SLC60A1: variants seen among roughly 807,000 people sequenced by gnomAD.
SLC60A1 encodes solute carrier family 60 member 1, also known as major facilitator superfamily domain containing 4.
the SLC60A1 span, among the ~76,000 whole-genome samples, chr1:205,584,623 T>C: frequency 1.3e-5 from 2 of 151,448 alleles, no homozygotes; most frequent in South Asian, 4.2e-4. Flanking sequence ...GGCAGACTTC[T>C]GACTTCACCC....
At chr1:205,582,958 T>G in the SLC60A1 span, among the ~76,000 whole-genome samples, 1 of 152,242 alleles carries the variant, frequency 6.6e-6, no homozygotes, top group South Asian at 2.1e-4. Flanking sequence ...GCCTTCCATC[T>G]CTATCCTATG....
At chr1:205,602,537 T>C in the SLC60A1 span, 11 of 152,680 alleles carry the variant, frequency 7.2e-5, no homozygotes, top group African/African-American at 2.4e-4. Flanking sequence ...GCTTAATAAA[T>C]GTTAGTAATT....
At chr1:205,587,573 G>A in the SLC60A1 span, among the ~76,000 whole-genome samples, 1 of 152,198 alleles carries the variant, frequency 6.6e-6, no homozygotes, top group African/African-American at 2.4e-5. Context: ...AGGGAGTTGT[G>A]TTCTGCAGGA....
chr1:205,600,115 C>T, the SLC60A1 span: 2 of 315,872 alleles, frequency 6.3e-6, no homozygotes, highest in South Asian at 5.2e-5. Flanking sequence ...ACAGGAGTTT[C>T]ATTTAAGACC....
chr1:205,602,178 A>G, the SLC60A1 span: 1 of 152,410 alleles, frequency 6.6e-6, no homozygotes, highest in Non-Finnish European at 1.5e-5. Flanking sequence ...ATACAAATGT[A>G]CATGTATAAA....
chr1:205,590,557 A>G, the SLC60A1 span, among the ~76,000 whole-genome samples: 2 of 152,166 alleles, frequency 1.3e-5, no homozygotes, highest in Admixed American at 1.3e-4. Context: ...CAGAGACGGA[A>G]GGGCTGCTAG....
the SLC60A1 span, chr1:205,600,421 G>T: frequency 6.2e-7 from 1 of 1,614,152 alleles, no homozygotes; most frequent in East Asian, 2.2e-5. Context: ...ACCCAAGACA[G>T]ATCAATTGGA....
the SLC60A1 span, among the ~76,000 whole-genome samples, chr1:205,581,259 A>G: frequency 6.6e-6 from 1 of 152,242 alleles, no homozygotes; most frequent in Non-Finnish European, 1.5e-5. This position sits in a 1 kb window ranked among gnomAD's most constrained non-coding sequence, Gnocchi z 4.2. Context: ...AGACCCCGGC[A>G]GGAAGTGGAA....
the SLC60A1 span, among the ~76,000 whole-genome samples, chr1:205,595,523 G>GCTT: frequency 0.045 from 6,814 of 152,188 alleles, 250 homozygotes; most frequent in African/African-American, 0.1. Context: ...TAGGTTATCT[G>GCTT]CTTCTCCTAG....
At chr1:205,584,002 G>T in the SLC60A1 span, 2 of 1,613,994 alleles carry the variant, frequency 1.2e-6, no homozygotes, top group Non-Finnish European at 1.7e-6. Context: ...AGGAGCGGCT[G>T]CTGACCTGCT....
At chr1:205,581,485 G>A in the SLC60A1 span, among the ~76,000 whole-genome samples, 1 of 152,236 alleles carries the variant, frequency 6.6e-6, no homozygotes, top group African/African-American at 2.4e-5. This position sits in a 1 kb window ranked among gnomAD's most constrained non-coding sequence, Gnocchi z 4.2. Context: ...CACTGACTCT[G>A]GCCTCCAGCT....
the SLC60A1 span, chr1:205,599,352 C>G: frequency 7.1e-7 from 1 of 1,407,972 alleles, no homozygotes; most frequent in African/African-American, 1.4e-5. Context: ...GCCAGAAACG[C>G]TGCTCTGTTC....
the SLC60A1 span, among the ~76,000 whole-genome samples, chr1:205,574,595 C>T: frequency 1.3e-5 from 2 of 152,084 alleles, no homozygotes; most frequent in South Asian, 2.1e-4. Context: ...GAGAATTTTA[C>T]ATTGTGAAAT....
At chr1:205,578,107 A>G in the SLC60A1 span, among the ~76,000 whole-genome samples, 1 of 152,230 alleles carries the variant, frequency 6.6e-6, no homozygotes, top group South Asian at 2.1e-4. Context: ...AATAATGATA[A>G]TGAGCTAGTT....
chr1:205,569,321 C>T, the SLC60A1 span: 1 of 1,455,044 alleles, frequency 6.9e-7, no homozygotes, highest in Non-Finnish European at 9.1e-7. Flanking sequence ...GCCCGTGCGC[C>T]CCCGCCCCGC....
the SLC60A1 span, chr1:205,598,763 A>G: frequency 3.0e-5 from 6 of 200,424 alleles, no homozygotes; most frequent in African/African-American, 1.4e-4. Context: ...AAATTCTCAT[A>G]ATAAAAGAGT....
chr1:205,594,564 G>A, the SLC60A1 span, among the ~76,000 whole-genome samples: 4 of 151,834 alleles, frequency 2.6e-5, no homozygotes, highest in South Asian at 8.3e-4. Flanking sequence ...GCTGAGGCAG[G>A]AGAATTGCTT....
chr1:205,584,215 G>GTTAT, the SLC60A1 span: 2 of 1,041,198 alleles, frequency 1.9e-6, no homozygotes, highest in African/African-American at 3.5e-5. Flanking sequence ...TAGATCACAG[G>GTTAT]TGATTTTTTT....
the SLC60A1 span, chr1:205,599,173 G>A: frequency 9.3e-5 from 150 of 1,614,130 alleles, 1 homozygote; most frequent in African/African-American, 1.7e-3. Context: ...GGTCTGTGGC[G>A]TGATCTTTGG....
Sources: gnomAD v4.1 joint callset for allele counts (sites outside exome capture counted in the v4.1 genomes callset) on GRCh38, gnomAD v4.1.1 for gene constraint, Gnocchi (gnomAD v3.1) non-coding constraint, MANE v1.5 for transcripts, NCBI Gene and HGNC (gene_info 2026-07-23, HGNC 2026-07-21) for gene names.